Variants in ZNF316 observed in about 807,000 individuals in gnomAD.
ZNF316 encodes the protein zinc finger protein 316.
In ZNF316, 23 loss-of-function variants were observed where a neutral mutation model predicts 75.6. That is an observed-to-expected ratio of 0.30 (90% CI 0.22 to 0.43). The LOEUF (loss-of-function observed/expected upper bound fraction) is 0.43, where lower values mean the gene tolerates loss of function less well. Among genes scored for constraint, ZNF316 ranks in the 20% least tolerant of loss-of-function variants. The probability of loss-of-function intolerance (pLI) is 1.00; values close to 1 mark genes in which losing one functional copy is unlikely to be tolerated. For missense variants in ZNF316, 1,266 were observed against 1,409.4 expected (o/e 0.90, Z 1.63); for synonymous variants, 827 against 666.2 (o/e 1.24, Z -3.72).
At position 6,637,539 on chromosome 7, in the gene ZNF316, G is replaced by T; in HGVS notation, c.-431+92G>T. On this transcript the variant is annotated intron_variant, in intron 1 of 8. Transcript: ENST00000382252. This position sits in a 1 kb window ranked among gnomAD's most constrained non-coding sequence, Gnocchi z 6.2. ...GCTCGGGGGCGGCGGCGGCGGCGGGGCCGGGCTGGCCCTCGACGCCCGGCG... is the reference window on the plus strand; with the variant it reads ...GCTCGGGGGCGGCGGCGGCGGCGGGTCCGGGCTGGCCCTCGACGCCCGGCG... The T allele has an allele frequency of 6.8e-6, 1 of 147,132 alleles. No homozygotes were observed. The highest frequency in any genetic ancestry group is 2.0e-4 in the East Asian group (1 of 5,050). The allele number at this position is 147,132 out of a possible 1,614,324, so 9.1% of individuals were successfully genotyped here.
Position 6,653,840 on chromosome 7 carries a change from G to A in ZNF316, c.2244G>A (p.Pro748=), listed in dbSNP as rs1217513815. The change falls in exon 9 of 9, where the codon CCG becomes CCA. Residue 748 remains proline (P), a synonymous_variant. Coordinates refer to ENST00000382252, the MANE Select transcript of ZNF316 (RefSeq NM_001278559.2). ...CACACACCGGCGAGCGGCCCTTCCC[G>A]TGCCCCGAGTGCGGCGCGCGGTTCG... The part of the protein sequence containing the change: ...RRTHTGERPF[P]CPECGARFAR... 6 of 1,079,538 alleles carry A rather than the reference G, an allele frequency of 5.6e-6. No homozygotes were observed. The highest frequency in any genetic ancestry group is 5.6e-5 in the East Asian group (1 of 17,930). 66.9% of individuals were successfully genotyped at this position (1,079,538 alleles called of 1,614,324 possible).
chr7:6,645,321 T>A (rs537077661), intron 8 of ZNF316, among the ~76,000 whole-genome samples: 2 of 152,176 alleles, frequency 1.3e-5, no homozygotes, highest in Non-Finnish European at 1.5e-5. Context: ...GGTGTCTGGT[T>A]TGGGGCTAGG....
In ZNF316 at chr7:6,654,724, G is replaced by A. The variant is rs1398886761; in HGVS notation, c.*113G>A. The A allele has an allele frequency of 2.0e-5, 19 of 953,766 alleles. No homozygotes were observed. In the Admixed American group the frequency reaches 9.0e-4, roughly 45 times the overall value. 59.1% of individuals were successfully genotyped at this position (953,766 alleles called of 1,614,324 possible). On this transcript the variant is annotated 3_prime_UTR_variant, in exon 9 of 9. Transcript: ENST00000382252. ...GCTGAGGGTCCCAGTCCTGGGTGCGGTGCCTTCCCTCAGCCCTCGCCCTGC... is the reference window on the plus strand; with the variant it reads ...GCTGAGGGTCCCAGTCCTGGGTGCGATGCCTTCCCTCAGCCCTCGCCCTGC...
In ZNF316 at chr7:6,657,661, C is replaced by T. The variant is rs1779650452; in HGVS notation, c.*3050C>T. On this transcript the variant is annotated 3_prime_UTR_variant, in exon 9 of 9. Coordinates refer to ENST00000382252, the MANE Select transcript of ZNF316 (RefSeq NM_001278559.2). ...AGGAGTTCGAGGCCAGCTGGGACAA[C>T]ACGGCAAAACTCTTGTCTCTATAAA... Among the ~76,000 whole-genome samples the T allele has an allele frequency of 1.3e-5, 2 of 151,812 alleles. No individual in the cohort carries two copies. Among genetic ancestry groups the T allele is most frequent in the African/African-American group, 4.8e-5 (2 of 41,300 alleles).
At position 6,657,358 on chromosome 7, in the gene ZNF316, A is replaced by G. The variant is rs982002530; in HGVS notation, c.*2747A>G. 1.3e-5 allele frequency among the ~76,000 whole-genome samples: 2 copies of G among 148,348 alleles called. No individual in the cohort carries two copies. The highest frequency in any genetic ancestry group is 3.0e-5 in the Non-Finnish European group (2 of 67,602). Reference sequence around the variant, plus strand: ...AAAAAAGCCGGGCATAGTGGTATGCATCTGTAGTCCCATCTACTTGGGAGG... The same window carrying G: ...AAAAAAGCCGGGCATAGTGGTATGCGTCTGTAGTCCCATCTACTTGGGAGG... On this transcript the variant is annotated 3_prime_UTR_variant, in exon 9 of 9. Coordinates refer to ENST00000382252, the MANE Select transcript of ZNF316 (RefSeq NM_001278559.2).
Position 6,655,625 on chromosome 7 carries a change from C to T in ZNF316, c.*1014C>T, listed in dbSNP as rs976299650. ...TGAGGTTGGTCGAAGGATCTTTCCC[C>T]ACATCCCATAATCAGGGCCCTAGGA... On this transcript the variant is annotated 3_prime_UTR_variant, in exon 9 of 9. Coordinates refer to ENST00000382252, the MANE Select transcript of ZNF316 (RefSeq NM_001278559.2). 2 of 152,266 alleles carry T rather than the reference C, an allele frequency of 1.3e-5. No individual in the cohort carries two copies. Among genetic ancestry groups the T allele is most frequent in the Non-Finnish European group, 2.9e-5 (2 of 68,074 alleles). 9.4% of individuals were successfully genotyped at this position (152,266 alleles called of 1,614,324 possible).
In ZNF316 at chr7:6,654,008, G is replaced by C; in HGVS notation, c.2412G>C (p.Ala804=). The part of the protein sequence containing the change: ...GRAHTGERPY[A]CGECGRRFGQ... ...CGCACACCGGGGAGCGGCCTTACGC[G>C]TGTGGAGAGTGCGGCCGGCGCTTCG... The change falls in exon 9 of 9, where the codon GCG becomes GCC. Residue 804 remains alanine, a synonymous_variant. Coordinates refer to ENST00000382252, the MANE Select transcript of ZNF316 (RefSeq NM_001278559.2). The C allele has an allele frequency of 8.4e-7, 1 of 1,188,102 alleles. No individual in the cohort carries two copies. Among genetic ancestry groups the C allele is most frequent in the Non-Finnish European group, 1.0e-6 (1 of 960,308 alleles). The allele number at this position is 1,188,102 out of a possible 1,614,324, so 73.6% of individuals were successfully genotyped here. A position where few individuals can be genotyped will look rare whatever the true frequency, so the allele number is the denominator to read the frequency against.
At position 6,657,980 on chromosome 7, in the gene ZNF316, C is replaced by T. The variant is rs1267951003; in HGVS notation, c.*3369C>T. ...AAAAAAAGTAGACACCCTTTATTGCCAAGGAGGAATTAAACCCTAGTGACT... is the reference window on the plus strand; with the variant it reads ...AAAAAAAGTAGACACCCTTTATTGCTAAGGAGGAATTAAACCCTAGTGACT... On this transcript the variant is annotated 3_prime_UTR_variant, in exon 9 of 9. Transcript: ENST00000382252. Among the ~76,000 whole-genome samples, 1 of 152,016 alleles carries T rather than the reference C, an allele frequency of 6.6e-6. No homozygotes were observed. The highest frequency in any genetic ancestry group is 1.9e-4 in the East Asian group (1 of 5,194).
intron 6 of ZNF316, 85 bp downstream of exon 6, chr7:6,643,158 G>C (rs1294417658): frequency 8.1e-7 from 1 of 1,229,310 alleles, no homozygotes. Flanking sequence ...GGAGGCGTCT[G>C]TTGGCAGCGG....
Position 6,645,121 on chromosome 7 carries a change from T to A in ZNF316, c.706+528T>A, listed in dbSNP as rs1476719593. ...CAGAAGGCGTTCAGGGTGGTGAATTTCCCTGAAAGCCTCAGGCCCAGCTCT... is the reference window on the plus strand; with the variant it reads ...CAGAAGGCGTTCAGGGTGGTGAATTACCCTGAAAGCCTCAGGCCCAGCTCT... On this transcript the variant is annotated intron_variant, in intron 8 of 8. Transcript: ENST00000382252. Among the ~76,000 whole-genome samples, 4 of 152,322 alleles carry A rather than the reference T, an allele frequency of 2.6e-5. No individual in the cohort carries two copies. In the East Asian group the frequency reaches 7.7e-4, roughly 29 times the overall value.
At chr7:6,648,613 G>A (rs564474258) in intron 8 of ZNF316, among the ~76,000 whole-genome samples, 1 of 152,292 alleles carries the variant, frequency 6.6e-6, no homozygotes, top group South Asian at 2.1e-4. Flanking sequence ...TTTTACAGAT[G>A]GGAAAACTCA....
chr7:6,654,834 C>T lies in ZNF316; in HGVS notation c.*223C>T, dbSNP rs1779590315. Reference sequence around the variant, plus strand: ...GGGGAGAAGAGCAGCGCGGAGGCAGCGAGGCCAGGACGTCACCCCCACGGA... The same window carrying T: ...GGGGAGAAGAGCAGCGCGGAGGCAGTGAGGCCAGGACGTCACCCCCACGGA... On this transcript the variant is annotated 3_prime_UTR_variant, in exon 9 of 9. Coordinates refer to ENST00000382252, the MANE Select transcript of ZNF316 (RefSeq NM_001278559.2). The T allele has an allele frequency of 3.2e-6, 1 of 317,078 alleles. No individual in the cohort carries two copies. The highest frequency in any genetic ancestry group is 5.5e-6 in the Non-Finnish European group (1 of 183,208). 19.6% of individuals were successfully genotyped at this position (317,078 alleles called of 1,614,324 possible).
rs1346835502 is a variant in ZNF316 at position 6,652,674 on chromosome 7, C to T, written c.1078C>T (p.Leu360=). The change falls in exon 9 of 9, where the codon CTG becomes TTG. Residue 360 remains leucine (L), a synonymous_variant. Transcript: ENST00000382252. ...CAAGGTCTTCCCGCACCGCTCGCGG[C>T]TGGCCAAGCACCAGCGCTACCACGC... ...CGKVFPHRSR[L]AKHQRYHAAV... 8.1e-6 allele frequency: 10 copies of T among 1,232,786 alleles called. No individual in the cohort carries two copies. The highest frequency in any genetic ancestry group is 3.0e-4 in the Middle Eastern group (1 of 3,282). 76.4% of individuals were successfully genotyped at this position (1,232,786 alleles called of 1,614,324 possible).
chr7:6,643,089 C>T lies in ZNF316; in HGVS notation c.465+16C>T, dbSNP rs975024951. Reference sequence around the variant, plus strand: ...TGGGTGTCAGGTGAGCCGCCCTCTCCGTTTGGGGCTTGGGTAACCTGGGCA... The same window carrying T: ...TGGGTGTCAGGTGAGCCGCCCTCTCTGTTTGGGGCTTGGGTAACCTGGGCA... On this transcript the variant is annotated intron_variant, in intron 6 of 8. Transcript: ENST00000382252. The T allele has an allele frequency of 1.1e-5, 14 of 1,233,558 alleles. No homozygotes were observed. The highest frequency in any genetic ancestry group is 3.1e-5 in the East Asian group (1 of 31,750). The allele number at this position is 1,233,558 out of a possible 1,614,324, so 76.4% of individuals were successfully genotyped here. A position where few individuals can be genotyped will look rare whatever the true frequency, so the allele number is the denominator to read the frequency against.
intron 8 of ZNF316, 69 bp from the exon 9 acceptor site, chr7:6,652,234 A>G (rs759819194): frequency 3.0e-5 from 37 of 1,227,608 alleles, no homozygotes; most frequent in Non-Finnish European, 3.8e-5. Context: ...TTCTCGGGAC[A>G]GGAACCTGCC....
rs1171691882 is a variant in ZNF316, at chr7:6,654,575, C to G, written c.2979C>G (p.Ala993=). ...SFGSEHQAAF[A]GPSGAYREGV... ...GCTCCGAGCACCAGGCCGCGTTCGC[C>G]GGGCCCTCGGGCGCCTACCGGGAGG... Residue 993 remains alanine (A), a synonymous_variant, in exon 9 of 9, where the codon GCC becomes GCG. Coordinates refer to ENST00000382252, the MANE Select transcript of ZNF316 (RefSeq NM_001278559.2). 1.1e-5 allele frequency: 13 copies of G among 1,187,478 alleles called. No homozygotes were observed. Among genetic ancestry groups the G allele is most frequent in the Non-Finnish European group, 1.3e-5 (12 of 959,636 alleles). The allele number at this position is 1,187,478 out of a possible 1,614,324, so 73.6% of individuals were successfully genotyped here.
intron 8 of ZNF316, among the ~76,000 whole-genome samples, chr7:6,651,393 G>A (rs1244282271): frequency 1.3e-5 from 2 of 148,256 alleles, no homozygotes; most frequent in East Asian, 2.0e-4. Flanking sequence ...GGTGGGTCAC[G>A]CCTGTAATCC....
intron 8 of ZNF316, among the ~76,000 whole-genome samples, chr7:6,651,754 CT>C (rs1233926240): frequency 1.3e-5 from 2 of 152,186 alleles, no homozygotes. Flanking sequence ...CAGAGTGAGA[CT>C]CTTGTCTCAA....
Position 6,643,088 on chromosome 7 carries a change from C to T in ZNF316, c.465+15C>T. On this transcript the variant is annotated intron_variant, in intron 6 of 8. Transcript: ENST00000382252. ...CTGGGTGTCAGGTGAGCCGCCCTCT[C>T]CGTTTGGGGCTTGGGTAACCTGGGC... 8.1e-7 allele frequency: 1 copy of T among 1,233,720 alleles called. No individual in the cohort carries two copies. The highest frequency in any genetic ancestry group is 1.5e-5 in the African/African-American group (1 of 64,556). The allele number at this position is 1,233,720 out of a possible 1,614,324, so 76.4% of individuals were successfully genotyped here. A position where few individuals can be genotyped will look rare whatever the true frequency, so the allele number is the denominator to read the frequency against.
Sources: gnomAD v4.1 joint callset for allele counts (sites outside exome capture counted in the v4.1 genomes callset) on GRCh38, gnomAD v4.1.1 for gene constraint, Gnocchi (gnomAD v3.1) non-coding constraint, MANE v1.5 for transcripts, NCBI Gene and HGNC (gene_info 2026-07-23, HGNC 2026-07-21) for gene names.